KCNMA1: variants seen among roughly 807,000 people sequenced by gnomAD.
The protein encoded by KCNMA1 is Calcium-activated potassium channel subunit alpha-1.
Under a neutral mutation model 140.0 loss-of-function variants are expected in KCNMA1, and 29 were observed. The observed-to-expected ratio is 0.21, with a 90% CI of 0.15 to 0.28. KCNMA1 has a LOEUF of 0.28. Among genes scored for constraint, KCNMA1 ranks in the 10% least tolerant of loss-of-function variants. The probability of loss-of-function intolerance (pLI) is 1.00; values close to 1 mark genes in which losing one functional copy is unlikely to be tolerated. For missense variants in KCNMA1, 880 were observed against 1,602.2 expected (o/e 0.55, Z 7.70); for synonymous variants, 612 against 611.9 (o/e 1.00, Z 0.00).
chr10:77,257,165 G>T (rs1005670895), intron 2 of KCNMA1, among the ~76,000 whole-genome samples: 27 of 152,228 alleles, frequency 1.8e-4, no homozygotes, highest in African/African-American at 6.0e-4. Flanking sequence ...AAACAATCTG[G>T]TGACATTTTG....
downstream of KCNMA1, chr10:76,875,096 GC>G (rs2032121616): frequency 6.6e-6 from 1 of 152,210 alleles, no homozygotes. Context: ...GTAGGAACAA[GC>G]CAGGGAGAAG....
intron 15 of KCNMA1, chr10:77,039,291 T>A (rs898409649): frequency 1.7e-6 from 1 of 589,912 alleles, no homozygotes; most frequent in Non-Finnish European, 3.0e-6. Flanking sequence ...GCATAAATGA[T>A]GAATTCAAGT....
At chr10:76,905,994 C>A (rs2047679625) in intron 25 of KCNMA1, among the ~76,000 whole-genome samples, 1 of 152,194 alleles carries the variant, frequency 6.6e-6, no homozygotes, top group Non-Finnish European at 1.5e-5. Flanking sequence ...CAACCTTTAC[C>A]CATTTACTCA....
chr10:77,592,928 G>A (rs918808038), intron 1 of KCNMA1, among the ~76,000 whole-genome samples: 7 of 152,196 alleles, frequency 4.6e-5, no homozygotes, highest in African/African-American at 1.7e-4. Flanking sequence ...TAAAGACCAA[G>A]GTTGAGACCA....
intron 23 of KCNMA1, among the ~76,000 whole-genome samples, chr10:76,920,715 G>C (rs2055405778): frequency 6.6e-6 from 1 of 152,216 alleles, no homozygotes; most frequent in South Asian, 2.1e-4. Context: ...GCCGCAGCCA[G>C]GCAGTCTGAC....
chr10:77,054,895 C>G (rs2095492092), intron 14 of KCNMA1, among the ~76,000 whole-genome samples: 1 of 152,026 alleles, frequency 6.6e-6, no homozygotes, highest in South Asian at 2.1e-4. Context: ...CCAGGAGACG[C>G]ACAGGATGCC....
intron 17 of KCNMA1, among the ~76,000 whole-genome samples, chr10:77,018,500 G>C (rs374654383): frequency 2.0e-5 from 3 of 152,168 alleles, no homozygotes; most frequent in Admixed American, 1.3e-4. Context: ...ACTTACAGTG[G>C]CTTAACAATT....
At position 76,887,162 on chromosome 10, in the gene KCNMA1, G is replaced by T; in HGVS notation, c.*104C>A. 1 of 1,606,374 alleles carries T rather than the reference G, an allele frequency of 6.2e-7. No individual in the cohort carries two copies. Among genetic ancestry groups the T allele is most frequent in the Non-Finnish European group, 8.5e-7 (1 of 1,177,816 alleles). On this transcript the variant is annotated 3_prime_UTR_variant, in exon 28 of 28. Transcript: ENST00000286628. ...ATATGCAAATATGTGTAAAAAAAAA[G>T]GGGGGGACTACAGGGGAAAACAGGG...
At chr10:77,504,562 T>TTA (rs996752622) in intron 1 of KCNMA1, among the ~76,000 whole-genome samples, 22 of 151,918 alleles carry the variant, frequency 1.4e-4, no homozygotes, top group Admixed American at 1.1e-3. Flanking sequence ...GACAGTTTCT[T>TTA]TATATATATT....
chr10:76,969,678 G>A (rs2075424597), intron 20 of KCNMA1, among the ~76,000 whole-genome samples: 1 of 152,182 alleles, frequency 6.6e-6, no homozygotes, highest in South Asian at 2.1e-4. Flanking sequence ...TGCTGTTTAG[G>A]AACTACACAC....
At chr10:77,439,844 T>C (rs1006603499) in intron 1 of KCNMA1, among the ~76,000 whole-genome samples, 1 of 152,212 alleles carries the variant, frequency 6.6e-6, no homozygotes, top group East Asian at 1.9e-4. Context: ...GGGGATACCA[T>C]GCCCACAGAA....
intron 14 of KCNMA1, among the ~76,000 whole-genome samples, chr10:77,048,919 C>A (rs566993818): frequency 5.5e-4 from 83 of 152,172 alleles, no homozygotes; most frequent in African/African-American, 1.9e-3. Context: ...TGCCACCACG[C>A]CCGGTTAATT....
chr10:77,636,977 C>T (rs2093815768), intron 1 of KCNMA1: 2 of 1,411,618 alleles, frequency 1.4e-6, no homozygotes, highest in Non-Finnish European at 1.8e-6. Flanking sequence ...GAGTCCCCGA[C>T]CCCGGCCCCA....
intron 1 of KCNMA1, among the ~76,000 whole-genome samples, chr10:77,471,256 C>A (rs540100630): frequency 6.7e-6 from 1 of 150,186 alleles, no homozygotes. Context: ...ACACACACAA[C>A]GCACATACAA....
At chr10:77,081,420 G>C (rs1334521440) in intron 12 of KCNMA1, among the ~76,000 whole-genome samples, 1 of 152,098 alleles carries the variant, frequency 6.6e-6, no homozygotes, top group Non-Finnish European at 1.5e-5. Flanking sequence ...TCTGTGACAA[G>C]GAAGGCTAAA....
intron 16 of KCNMA1, among the ~76,000 whole-genome samples, chr10:77,024,395 G>GAC (rs147114271): frequency 3.0e-4 from 45 of 150,534 alleles, no homozygotes; most frequent in Middle Eastern, 3.4e-3. Context: ...CACACGCACA[G>GAC]ACACACACAC....
At chr10:77,288,228 T>C (rs1267580815) in intron 2 of KCNMA1, among the ~76,000 whole-genome samples, 1 of 152,248 alleles carries the variant, frequency 6.6e-6, no homozygotes, top group Non-Finnish European at 1.5e-5. Context: ...TCCAAGTTAA[T>C]AAAGATTTCT....
intron 3 of KCNMA1, among the ~76,000 whole-genome samples, chr10:77,218,692 T>C (rs1378948842): frequency 6.6e-6 from 1 of 152,144 alleles, no homozygotes; most frequent in Non-Finnish European, 1.5e-5. Context: ...ATTTACTGAT[T>C]TATTTATTTA....
intron 2 of KCNMA1, among the ~76,000 whole-genome samples, chr10:77,270,737 G>A (rs1032236630): frequency 6.6e-6 from 1 of 150,842 alleles, no homozygotes; most frequent in Admixed American, 6.6e-5. Context: ...TGATTGGCCT[G>A]CCTCGGCCTC....
Sources: gnomAD v4.1 joint callset for allele counts (sites outside exome capture counted in the v4.1 genomes callset) on GRCh38, gnomAD v4.1.1 for gene constraint, MANE v1.5 for transcripts, NCBI Gene and HGNC (gene_info 2026-07-23, HGNC 2026-07-21) for gene names.